CYFIP1: variants seen among roughly 807,000 people sequenced by gnomAD.
The protein encoded by CYFIP1 is cytoplasmic FMR1 interacting protein 1, also known as cytoplasmic FMR1-interacting protein 1.
CYFIP1 carries 58 observed loss-of-function variants against 163.5 expected under a neutral mutation model. The ratio of observed to expected loss-of-function variants is 0.35; its 90% confidence interval spans 0.29 to 0.44. The LOEUF (loss-of-function observed/expected upper bound fraction) is 0.44, where lower values mean the gene tolerates loss of function less well. CYFIP1 is among the 20% of genes least tolerant of loss of function. The pLI is 1.00. For missense variants in CYFIP1, 1,338 were observed against 1,653.8 expected, an observed-to-expected ratio of 0.81 and a Z score of 3.31; for synonymous variants, 663 against 660.7, an observed-to-expected ratio of 1.00 and a Z score of -0.05.
chr15:22,953,731 C>T (rs954970615), intron 1 of CYFIP1, among the ~76,000 whole-genome samples: 1 of 152,296 alleles, frequency 6.6e-6, no homozygotes, highest in African/African-American at 2.4e-5. Flanking sequence ...ACTGTTCTGC[C>T]GGTGCTACTA....
chr15:22,929,496 G>A (rs1318313051), intron 11 of CYFIP1, among the ~76,000 whole-genome samples: 2 of 151,654 alleles, frequency 1.3e-5, no homozygotes, highest in African/African-American at 4.9e-5. Flanking sequence ...GCTAAGCATG[G>A]TGGCGTGCGC....
At chr15:22,934,490 T>TC (rs2061648714) in intron 9 of CYFIP1, among the ~76,000 whole-genome samples, 1 of 72,250 alleles carries the variant, frequency 1.4e-5, no homozygotes, top group South Asian at 4.9e-4. Context: ...CAGCCCTTTT[T>TC]TTTTTTTTTT....
chr15:22,953,220 C>A (rs958122957), intron 1 of CYFIP1, among the ~76,000 whole-genome samples: 7 of 152,210 alleles, frequency 4.6e-5, no homozygotes, highest in African/African-American at 1.7e-4. Context: ...GGCCTGGGTG[C>A]CACCTACAGA....
upstream of CYFIP1, among the ~76,000 whole-genome samples, chr15:22,980,739 C>A (rs2063459088): frequency 6.6e-6 from 1 of 152,106 alleles, no homozygotes; most frequent in African/African-American, 2.4e-5. Flanking sequence ...GGAAGGAGCT[C>A]AGGGGGACAC....
In CYFIP1 at chr15:22,892,927, T is replaced by G; in HGVS notation, c.2639A>C (p.Gln880Pro). The G allele has an allele frequency of 6.2e-7, 1 of 1,613,922 alleles. No individual in the cohort carries two copies. The highest frequency in any genetic ancestry group is 8.5e-7 in the Non-Finnish European group (1 of 1,179,826). ...PFSQEFQRDK[Q>P]PNAQPQYLHG... ...CAGATACTGAGGCTGTGCATTAGGC[T>G]GCTTATCTCTTTGAAATTCCTGAGA... Residue 880 changes from glutamine (Q) to proline (P), a missense_variant, in exon 23 of 31, where the codon CAG becomes CCG. Gln to Pro is a moderately conservative substitution (Grantham distance 76, BLOSUM62 -1). Around this residue, in one of 4 missense-constraint regions of CYFIP1, gnomAD observed 824 missense variants for 995.7 expected, o/e 0.83. Coordinates refer to ENST00000617928, the MANE Select transcript of CYFIP1 (RefSeq NM_014608.6).
chr15:22,900,013 C>T lies in CYFIP1; in HGVS notation c.2588+3693G>A, dbSNP rs566840043. ...GAGCCGAGACTGTACAACTGCACTC[C>T]AGCCTGGGTGGCAGAACGAGACTCC... On this transcript the variant is annotated intron_variant, in intron 22 of 30. Coordinates refer to ENST00000617928, the MANE Select transcript of CYFIP1 (RefSeq NM_014608.6). 4.5e-4 allele frequency among the ~76,000 whole-genome samples: 69 copies of T among 152,262 alleles called. No individual in the cohort carries two copies. The East Asian group carries it at 0.013, about 28-fold the overall frequency.
At chr15:22,879,600 G>A (rs552921032) in intron 26 of CYFIP1, among the ~76,000 whole-genome samples, 144 of 151,892 alleles carry the variant, frequency 9.5e-4, no homozygotes, top group Admixed American at 2.4e-3. Flanking sequence ...GCCCTCCTGC[G>A]CAGCAATGCC....
chr15:22,897,525 C>T (rs1027079394), intron 22 of CYFIP1, among the ~76,000 whole-genome samples: 3 of 151,778 alleles, frequency 2.0e-5, no homozygotes, highest in Non-Finnish European at 4.4e-5. Flanking sequence ...TCTCTGTCAC[C>T]CAGGCTGGAG....
In CYFIP1 at chr15:22,975,620, G is replaced by A. The variant is rs549647839; in HGVS notation, c.-7+4667C>T. ...TACTAAAAATACAAAATTAGTGGGAGTGGTGGCGCATGCCTGTAATCCAAG... is the reference window on the plus strand; with the variant it reads ...TACTAAAAATACAAAATTAGTGGGAATGGTGGCGCATGCCTGTAATCCAAG... On this transcript the variant is annotated intron_variant, in intron 1 of 30. Coordinates refer to ENST00000617928, the MANE Select transcript of CYFIP1 (RefSeq NM_014608.6). Among the ~76,000 whole-genome samples, 267 of 152,108 alleles carry A rather than the reference G, an allele frequency of 1.8e-3. 1 individual carries two copies. Among genetic ancestry groups the A allele is most frequent in the Non-Finnish European group, 3.2e-3 (220 of 67,966 alleles).
chr15:22,939,296 T>C lies in CYFIP1; in HGVS notation c.691A>G (p.Ile231Val). Residue 231 changes from isoleucine to valine, a missense_variant, in exon 8 of 31, where the codon ATT becomes GTT. Coordinates refer to ENST00000617928, the MANE Select transcript of CYFIP1 (RefSeq NM_014608.6). Reference sequence around the variant, plus strand: ...GCCAGGAGCTCTTCGTAGCCAGAAATCACTTCGAGCTGCTGCTGCAGAGAC... The same window carrying C: ...GCCAGGAGCTCTTCGTAGCCAGAAACCACTTCGAGCTGCTGCTGCAGAGAC... ...TQSLQQQLEV[I>V]SGYEELLADI... The C allele has an allele frequency of 6.2e-7, 1 of 1,614,070 alleles. No homozygotes were observed. Among genetic ancestry groups the C allele is most frequent in the Admixed American group, 1.7e-5 (1 of 60,016 alleles).
At chr15:22,958,953 GAA>G (rs1567032072) in intron 1 of CYFIP1, among the ~76,000 whole-genome samples, 4 of 152,314 alleles carry the variant, frequency 2.6e-5, no homozygotes, top group Middle Eastern at 3.4e-3. Flanking sequence ...ATCGCTCATA[GAA>G]CACCCAAGGG....
intron 13 of CYFIP1, among the ~76,000 whole-genome samples, chr15:22,922,861 GCACA>G (rs2061232204): frequency 3.9e-5 from 6 of 151,940 alleles, no homozygotes; most frequent in Non-Finnish European, 7.4e-5. Context: ...GTGTGGTGGC[GCACA>G]CCTGTAATCC....
intron 27 of CYFIP1, 148 bp downstream of exon 27, chr15:22,875,051 T>C (rs1337733123): frequency 5.8e-6 from 4 of 687,380 alleles, no homozygotes; most frequent in Non-Finnish European, 7.7e-6. Flanking sequence ...TTTAACTAGG[T>C]TCTGTACACT....
At chr15:22,870,325 T>C (rs2141803574) in intron 30 of CYFIP1, 133 bp from the exon 31 acceptor site, 8 of 1,075,220 alleles carry the variant, frequency 7.4e-6, no homozygotes, top group Non-Finnish European at 1.3e-6. Context: ...ACTGTTCTTT[T>C]TGGGTTTTTT....
chr15:22,902,454 G>A (rs1193069916), intron 22 of CYFIP1, among the ~76,000 whole-genome samples: 1 of 152,212 alleles, frequency 6.6e-6, no homozygotes, highest in Non-Finnish European at 1.5e-5. Context: ...TTTTACCAAG[G>A]AAACCTCTGG....
intron 22 of CYFIP1, among the ~76,000 whole-genome samples, chr15:22,901,870 C>T (rs1001862047): frequency 6.6e-6 from 1 of 152,204 alleles, no homozygotes; most frequent in Non-Finnish European, 1.5e-5. Context: ...CCTGATTCCA[C>T]CAAAGACTTG....
chr15:22,920,684 A>G (rs1245604376), intron 13 of CYFIP1, among the ~76,000 whole-genome samples: 1 of 152,204 alleles, frequency 6.6e-6, no homozygotes, highest in Non-Finnish European at 1.5e-5. Context: ...AATAATGAAA[A>G]TTTTAGAAAG....
rs9806354 is a variant in CYFIP1 at position 22,978,211 on chromosome 15, G to A, written c.-7+2076C>T. 3.4e-3 allele frequency among the ~76,000 whole-genome samples: 517 copies of A among 151,778 alleles called. 6 individuals carry two copies. The highest frequency in any genetic ancestry group is 0.012 in the African/African-American group (499 of 41,398). On this transcript the variant is annotated intron_variant, in intron 1 of 30. Coordinates refer to ENST00000617928, the MANE Select transcript of CYFIP1 (RefSeq NM_014608.6). ...TACTAAAAAGACAAAAATTAGCCGG[G>A]TGTGGTGGTGCGTGCCTGTAATCCC... is the stretch of plus-strand genomic sequence containing the variant.
intron 26 of CYFIP1, 22 bp from the exon 27 acceptor site, chr15:22,875,293 T>G: frequency 6.2e-7 from 1 of 1,609,678 alleles, no homozygotes; most frequent in Non-Finnish European, 8.5e-7. Context: ...AAAGAGAGGG[T>G]CAAGCTAGGA....
Sources: allele counts gnomAD v4.1 joint callset (sites outside exome capture counted in the v4.1 genomes callset), GRCh38; gene constraint gnomAD v4.1.1; regional missense constraint gnomAD v4.1.1; transcripts MANE v1.5; gene names NCBI Gene and HGNC (gene_info 2026-07-23, HGNC 2026-07-21).